Variants in PALLD observed in about 807,000 individuals in gnomAD.
PALLD encodes palladin, cytoskeletal associated protein.
A neutral mutation model predicts 123.5 loss-of-function variants in PALLD; 61 were observed. That is an observed-to-expected ratio of 0.49 (90% CI 0.40 to 0.61). PALLD has a LOEUF of 0.61. Among genes scored for constraint, PALLD ranks in the 20% least tolerant of loss-of-function variants. The pLI is 0.00. For missense variants in PALLD, 1,273 were observed against 1,377.0 expected (o/e 0.92, Z 1.20); for synonymous variants, 465 against 496.4 (o/e 0.94, Z 0.84).
intron 2 of PALLD, among the ~76,000 whole-genome samples, chr4:168,637,510 A>G (rs1170706932): frequency 1.3e-5 from 2 of 152,130 alleles, no homozygotes; most frequent in Non-Finnish European, 2.9e-5. Flanking sequence ...TAAAAAAAAA[A>G]AAAAGTAGTG....
At chr4:168,673,899 T>A (rs1318490406) in intron 3 of PALLD, among the ~76,000 whole-genome samples, 2 of 151,470 alleles carry the variant, frequency 1.3e-5, no homozygotes, top group African/African-American at 4.9e-5. Flanking sequence ...TGTGTGTGTG[T>A]GTGTGTGTGT....
chr4:168,544,834 G>T (rs369150692), intron 2 of PALLD, among the ~76,000 whole-genome samples: 1 of 152,172 alleles, frequency 6.6e-6, no homozygotes, highest in Non-Finnish European at 1.5e-5. Flanking sequence ...GTTTCTCCCA[G>T]CTAACCTTGT....
intron 10 of PALLD, among the ~76,000 whole-genome samples, chr4:168,771,218 T>A (rs1483426425): frequency 6.6e-6 from 1 of 152,200 alleles, no homozygotes; most frequent in African/African-American, 2.4e-5. Context: ...TTTGTATGAA[T>A]CCTTAGATTT....
At chr4:168,854,437 T>A (rs1243036684) in intron 10 of PALLD, among the ~76,000 whole-genome samples, 3 of 152,302 alleles carry the variant, frequency 2.0e-5, no homozygotes, top group African/African-American at 7.2e-5. Flanking sequence ...CAAAAAAATG[T>A]TTCCCAGATG....
chr4:168,878,224 G>GCCGCCACCA (rs1553965422), intron 10 of PALLD: 1 of 1,491,348 alleles, frequency 6.7e-7, no homozygotes, highest in Admixed American at 2.1e-5. Flanking sequence ...TCCCACTGCC[G>GCCGCCACCA]CCGCCACCAC....
intron 10 of PALLD, among the ~76,000 whole-genome samples, chr4:168,873,125 T>C (rs1751298708): frequency 6.6e-6 from 1 of 152,346 alleles, no homozygotes. Flanking sequence ...TATAGGAATG[T>C]CCTACTGAAT....
intron 2 of PALLD, among the ~76,000 whole-genome samples, chr4:168,527,143 C>G (rs1764127725): frequency 6.6e-6 from 1 of 152,100 alleles, no homozygotes; most frequent in Admixed American, 6.5e-5. Flanking sequence ...TCCGAGGTGA[C>G]ACGAGTCATT....
chr4:168,503,009 C>T (rs572875176), intron 1 of PALLD, among the ~76,000 whole-genome samples: 1 of 152,312 alleles, frequency 6.6e-6, no homozygotes, highest in South Asian at 2.1e-4. Context: ...TTTCCTGCCT[C>T]GTGCCTTTGT....
chr4:168,901,375 A>G (rs1232908202), intron 14 of PALLD, among the ~76,000 whole-genome samples: 1 of 152,064 alleles, frequency 6.6e-6, no homozygotes, highest in Admixed American at 6.6e-5. Flanking sequence ...GCCCTCCCGA[A>G]TTTCTCCCTC....
At chr4:168,718,116 C>A (rs1038748899) in intron 10 of PALLD, among the ~76,000 whole-genome samples, 1 of 152,208 alleles carries the variant, frequency 6.6e-6, no homozygotes, top group Non-Finnish European at 1.5e-5. Flanking sequence ...TGTTGGACTG[C>A]AGCTTCAACT....
intron 2 of PALLD, among the ~76,000 whole-genome samples, chr4:168,603,322 T>A (rs1257856809): frequency 6.6e-6 from 1 of 152,150 alleles, no homozygotes; most frequent in Non-Finnish European, 1.5e-5. Context: ...CATACAGCAG[T>A]TTTTTGTTCA....
chr4:168,791,413 G>T (rs981354129), intron 10 of PALLD, among the ~76,000 whole-genome samples: 1 of 152,184 alleles, frequency 6.6e-6, no homozygotes, highest in African/African-American at 2.4e-5. Flanking sequence ...CTGCATGGCT[G>T]GGGAGGCCTC....
rs147452139 is a variant in PALLD, at chr4:168,754,648, C to T, written c.1964+42725C>T. On this transcript the variant is annotated intron_variant, in intron 10 of 21. Transcript: ENST00000505667. ...ATTTTAGATAAAAACAGGATTCAAC[C>T]GAGATATGGAGTATCTCAAAGTAAA... 4.4e-4 allele frequency among the ~76,000 whole-genome samples: 67 copies of T among 152,212 alleles called. 2 individuals are homozygous for T. In the East Asian group the frequency reaches 0.01, roughly 23 times the overall value.
intron 10 of PALLD, among the ~76,000 whole-genome samples, chr4:168,863,405 G>C (rs1198516790): frequency 6.6e-6 from 1 of 152,206 alleles, no homozygotes; most frequent in Non-Finnish European, 1.5e-5. Flanking sequence ...CTGCAAGCAA[G>C]ATCCAAAGAG....
At chr4:168,610,307 G>T (rs1032748527) in intron 2 of PALLD, among the ~76,000 whole-genome samples, 1 of 152,122 alleles carries the variant, frequency 6.6e-6, no homozygotes, top group African/African-American at 2.4e-5. Context: ...TCTGGAGTGA[G>T]GGCTAGAAGC....
At chr4:168,738,206 A>G (rs1204548839) in intron 10 of PALLD, among the ~76,000 whole-genome samples, 1 of 152,122 alleles carries the variant, frequency 6.6e-6, no homozygotes, top group African/African-American at 2.4e-5. Context: ...GTCATTTTCT[A>G]TAACCAAGAT....
At chr4:168,557,204 T>A (rs1299854327) in intron 2 of PALLD, among the ~76,000 whole-genome samples, 4 of 151,954 alleles carry the variant, frequency 2.6e-5, no homozygotes, top group African/African-American at 9.7e-5. Context: ...CCACCTCATC[T>A]CAGTAATTTT....
chr4:168,803,754 C>T (rs930780831), intron 10 of PALLD, among the ~76,000 whole-genome samples: 1 of 151,918 alleles, frequency 6.6e-6, no homozygotes, highest in East Asian at 1.9e-4. Flanking sequence ...CTCTCTCATG[C>T]GCAGTAACCG....
chr4:168,833,641 CCTT>C (rs1219632116), intron 10 of PALLD, among the ~76,000 whole-genome samples: 1 of 151,934 alleles, frequency 6.6e-6, no homozygotes, highest in East Asian at 1.9e-4. Flanking sequence ...AGGACTGTCT[CCTT>C]AACTCCCACT....
Sources: gnomAD v4.1 joint callset for allele counts (sites outside exome capture counted in the v4.1 genomes callset) on GRCh38, gnomAD v4.1.1 for gene constraint, MANE v1.5 for transcripts, NCBI Gene and HGNC (gene_info 2026-07-23, HGNC 2026-07-21) for gene names.